TIAM1: variants seen among roughly 807,000 people sequenced by gnomAD.
The protein encoded by TIAM1 is TIAM Rac1 associated GEF 1, also known as rho guanine nucleotide exchange factor TIAM1.
In TIAM1, 65 loss-of-function variants were observed where a neutral mutation model predicts 163.5. The ratio of observed to expected loss-of-function variants is 0.40; its 90% CI spans 0.33 to 0.49. The LOEUF (loss-of-function observed/expected upper bound fraction) is 0.49. TIAM1 is among the 20% of genes least tolerant of loss of function. The pLI is 0.77. For missense variants in TIAM1, 1,789 were observed against 2,044.7 expected (o/e 0.87, Z 2.41); for synonymous variants, 833 against 810.1 (o/e 1.03, Z -0.48).
intron 27 of TIAM1, among the ~76,000 whole-genome samples, chr21:31,121,676 A>G (rs1365400377): frequency 5.3e-5 from 8 of 152,344 alleles, no homozygotes; most frequent in Non-Finnish European, 1.0e-4. Context: ...TAAAAAACCG[A>G]TGACATCCAA....
At chr21:31,373,055 CA>C (rs71193110) in intron 2 of TIAM1, among the ~76,000 whole-genome samples, 1,363 of 104,622 alleles carry the variant, frequency 0.013, 17 homozygotes, top group African/African-American at 0.043. Flanking sequence ...AACTCTGTCT[CA>C]AAAAAAAAAA....
At chr21:31,311,030 C>G (rs2074905310) in intron 2 of TIAM1, among the ~76,000 whole-genome samples, 1 of 152,196 alleles carries the variant, frequency 6.6e-6, no homozygotes, top group East Asian at 1.9e-4. Context: ...TCAGCAACAC[C>G]TGCATTGGCT....
chr21:31,476,307 T>C (rs2045934187), intron 1 of TIAM1, among the ~76,000 whole-genome samples: 1 of 152,208 alleles, frequency 6.6e-6, no homozygotes. Context: ...TTTACACCAT[T>C]GATATTTGTG....
rs935385304 is a variant in TIAM1 at position 31,266,420 on chromosome 21, G to C, written c.553C>G (p.Leu185Val). 6.2e-7 allele frequency: 1 copy of C among 1,614,248 alleles called. No homozygotes were observed. The highest frequency in any genetic ancestry group is 1.3e-5 in the African/African-American group (1 of 75,056). ...IWREDSLEFS[L>V]SDLSQEHLTS... ...AAATGTTCTTGGCTCAGATCAGAGA[G>C]TGAGAATTCCAGGCTGTCCTCCCGC... Residue 185 changes from leucine (L) to valine (V), a missense_variant, in exon 4 of 28, where the codon CTC (leucine) becomes GTC (valine). Physicochemically the swap from Leu to Val is conservative, Grantham distance 32 (BLOSUM62 1). This residue lies in a region of TIAM1 where 555 missense variants were observed against 564.9 expected (regional missense o/e 0.98). Transcript: ENST00000541036.
chr21:31,456,201 C>G (rs532365143), intron 2 of TIAM1, among the ~76,000 whole-genome samples: 1 of 152,228 alleles, frequency 6.6e-6, no homozygotes, highest in African/African-American at 2.4e-5. Context: ...TGTATATTAT[C>G]TAAAGAATAA....
intron 1 of TIAM1, among the ~76,000 whole-genome samples, chr21:31,496,986 C>T (rs1266088669): frequency 6.6e-6 from 1 of 152,120 alleles, no homozygotes; most frequent in Non-Finnish European, 1.5e-5. Context: ...AATAAGAGTT[C>T]GCACTCCTAT....
intron 2 of TIAM1, among the ~76,000 whole-genome samples, chr21:31,361,332 C>G (rs2076403169): frequency 6.6e-6 from 1 of 152,042 alleles, no homozygotes; most frequent in Admixed American, 6.6e-5. Flanking sequence ...TACACTCAAG[C>G]ACTAAATGTG....
chr21:31,193,538 C>G (rs2085669078), intron 13 of TIAM1, among the ~76,000 whole-genome samples: 3 of 152,088 alleles, frequency 2.0e-5, no homozygotes, highest in South Asian at 4.1e-4. Flanking sequence ...GAAACAGGGC[C>G]CGCTGAAGCT....
rs1217602647 is a variant in TIAM1 at position 31,511,817 on chromosome 21, A to G, written c.-422+47110T>C. Among the ~76,000 whole-genome samples, 3 of 152,350 alleles carry G rather than the reference A, an allele frequency of 2.0e-5. No homozygotes were observed. The East Asian group carries it at 5.8e-4, about 29-fold the overall frequency. On this transcript the variant is annotated intron_variant, in intron 1 of 28. Transcript: ENST00000286827. Reference sequence around the variant, plus strand: ...ATTCCTAAATGATTAAAATGTCCCAAACTTACACCTCGTTGCTAGGGCAAG... The same window carrying G: ...ATTCCTAAATGATTAAAATGTCCCAGACTTACACCTCGTTGCTAGGGCAAG...
chr21:31,260,700 G>GAAAAAAAAAAAAAAAAAA (rs36041797), intron 4 of TIAM1, among the ~76,000 whole-genome samples: 2 of 120,932 alleles, frequency 1.7e-5, no homozygotes, highest in African/African-American at 3.4e-5. Flanking sequence ...AAAGAGAAAA[G>GAAAAAAAAAAAAAAAAAA]AAAAAAAAAA....
chr21:31,323,746 G>A (rs927882592), intron 2 of TIAM1, among the ~76,000 whole-genome samples: 1 of 152,216 alleles, frequency 6.6e-6, no homozygotes, highest in South Asian at 2.1e-4. Flanking sequence ...CAGGAGAATC[G>A]CTAGAGCCCG....
intron 1 of TIAM1, among the ~76,000 whole-genome samples, chr21:31,528,956 C>CACTG (rs1569414480): frequency 7.1e-6 from 1 of 141,386 alleles, no homozygotes; most frequent in African/African-American, 2.6e-5. Context: ...GACAGAGTCT[C>CACTG]AGTCGCCCAG....
intron 2 of TIAM1, among the ~76,000 whole-genome samples, chr21:31,372,923 C>T (rs549158292): frequency 6.6e-6 from 1 of 152,018 alleles, no homozygotes; most frequent in African/African-American, 2.4e-5. Flanking sequence ...GGCGTGGTGG[C>T]GCATGCCTGT....
chr21:31,190,163 T>C (rs1278470333), intron 13 of TIAM1, among the ~76,000 whole-genome samples: 1 of 152,098 alleles, frequency 6.6e-6, no homozygotes, highest in Non-Finnish European at 1.5e-5. Context: ...CCAGCACTCT[T>C]GGAAGGCTGA....
intron 1 of TIAM1, among the ~76,000 whole-genome samples, chr21:31,339,939 A>G (rs981302401): frequency 6.6e-6 from 1 of 152,138 alleles, no homozygotes; most frequent in Non-Finnish European, 1.5e-5. Flanking sequence ...CTCCATTCTC[A>G]TGAAAGCATT....
chr21:31,265,277 TC>T lies in TIAM1; in HGVS notation c.963+732del, dbSNP rs551725233. Among the ~76,000 whole-genome samples the T allele has an allele frequency of 2.4e-4, 34 of 143,296 alleles. No homozygotes were observed. In the South Asian group the frequency reaches 8.0e-3, roughly 34 times the overall value. The allele number at this position is 143,296 out of a possible 152,430, so 94.0% of individuals were successfully genotyped here. Reference sequence around the variant, plus strand: ...GCTGGAGCGAAGTCTCTTAGTTTCCTCCCCACGGTTTCGTGCACTAGACCCC... The same window carrying T: ...GCTGGAGCGAAGTCTCTTAGTTTCCTCCCACGGTTTCGTGCACTAGACCCC... On this transcript the variant is annotated intron_variant, in intron 4 of 27. Coordinates refer to ENST00000541036, the MANE Select transcript of TIAM1 (RefSeq NM_001353694.2).
chr21:31,330,639 T>C (rs1286753254), intron 2 of TIAM1, among the ~76,000 whole-genome samples: 1 of 152,130 alleles, frequency 6.6e-6, no homozygotes, highest in Non-Finnish European at 1.5e-5. Context: ...GGTTTCACCA[T>C]GTTGGCCAGG....
chr21:31,141,208 G>A lies in TIAM1; in HGVS notation c.3684C>T (p.Ala1228=), dbSNP rs776902882. Residue 1228 remains alanine, a synonymous_variant, in exon 22 of 28, where the codon GCC becomes GCT. Transcript: ENST00000541036. This position sits in a 1 kb window ranked among gnomAD's most constrained non-coding sequence, Gnocchi z 4.7. ...DVAIKTMNKV[A]SHINEMQKIH... is the part of the protein sequence containing the mutation. ...TTTTCTGCATCTCATTGATGTGACT[G>A]GCAACCTTGTTCATGGTCTTGATGG... is the stretch of plus-strand genomic sequence containing the variant. The A allele has an allele frequency of 1.9e-6, 3 of 1,614,170 alleles. No individual in the cohort carries two copies. Among genetic ancestry groups the A allele is most frequent in the Non-Finnish European group, 2.5e-6 (3 of 1,180,034 alleles).
At chr21:31,160,498 T>C (rs769973202) in intron 16 of TIAM1, 13 of 398,590 alleles carry the variant, frequency 3.3e-5, no homozygotes, top group Non-Finnish European at 5.7e-5. Flanking sequence ...TTTTCAATCC[T>C]GGGCTTGCGC....
Sources: allele counts gnomAD v4.1 joint callset (sites outside exome capture counted in the v4.1 genomes callset), GRCh38; gene constraint gnomAD v4.1.1; regional missense constraint gnomAD v4.1.1; non-coding constraint Gnocchi (gnomAD v3.1); transcripts MANE v1.5; gene names NCBI Gene and HGNC (gene_info 2026-07-23, HGNC 2026-07-21).